Variants in TRPV4 observed in about 807,000 individuals in gnomAD.
The protein encoded by TRPV4 is OSM9-like transient receptor potential channel 4.
Under a neutral mutation model 84.1 loss-of-function variants are expected in TRPV4, and 58 were observed. The observed-to-expected ratio is 0.69, with a 90% CI of 0.56 to 0.86. The LOEUF (loss-of-function observed/expected upper bound fraction) is 0.86. TRPV4 is among the 40% of genes least tolerant of loss of function. The pLI is 0.00. For synonymous variants in TRPV4, 489 were observed against 500.9 expected, an observed-to-expected ratio of 0.98 and a Z score of 0.32; for missense variants, 879 against 1,181.1, an observed-to-expected ratio of 0.74 and a Z score of 3.75.
In TRPV4 at chr12:109,794,989, G is replaced by A. The variant is rs895496730; in HGVS notation, c.1333-502C>T. ...GCCTAGATCGCACTACTGCACTCCA[G>A]CCTGGGCAACAAGAGTGAGACTCCA... is the stretch of plus-strand genomic sequence containing the variant. On this transcript the variant is annotated intron_variant, in intron 7 of 15. Coordinates refer to ENST00000261740, the MANE Select transcript of TRPV4 (RefSeq NM_021625.5). Among the ~76,000 whole-genome samples, 8 of 152,330 alleles carry A rather than the reference G, an allele frequency of 5.3e-5. No individual in the cohort carries two copies. In the East Asian group the frequency reaches 1.3e-3, roughly 26 times the overall value.
chr12:109,800,407 G>A (rs1463651020), intron 5 of TRPV4, among the ~76,000 whole-genome samples: 1 of 72,362 alleles, frequency 1.4e-5, no homozygotes, highest in African/African-American at 5.5e-5. Context: ...CCAGGTCCAT[G>A]GTACTCCCCA....
In TRPV4 at chr12:109,822,361, T is replaced by C. The variant is rs1892132210; in HGVS notation, c.-31-7534A>G. Among the ~76,000 whole-genome samples, 3 of 152,220 alleles carry C rather than the reference T, an allele frequency of 2.0e-5. No homozygotes were observed. In the South Asian group the frequency reaches 6.2e-4, roughly 32 times the overall value. The stretch of plus-strand genomic sequence containing the variant: ...CCCCACTTCCTGTGGTACCCTCAAA[T>C]AAACACAACTGTGAGTGCCTGCCAT... On this transcript the variant is annotated intron_variant, in intron 1 of 15. Coordinates refer to ENST00000261740, the MANE Select transcript of TRPV4 (RefSeq NM_021625.5).
Sources: allele counts gnomAD v4.1 joint callset (sites outside exome capture counted in the v4.1 genomes callset), GRCh38; gene constraint gnomAD v4.1.1; transcripts MANE v1.5; gene names NCBI Gene and HGNC (gene_info 2026-07-23, HGNC 2026-07-21).